The following ZAN variants were observed in gnomAD, a reference collection of about 807,000 sequenced individuals.
ZAN encodes zonadhesin.
A neutral mutation model predicts 286.2 loss-of-function variants in ZAN; 260 were observed. The observed-to-expected ratio is 0.91, with a 90% CI of 0.82 to 1.01. The LOEUF is 1.01. ZAN is among the 50% of genes least tolerant of loss of function. ZAN has a pLI of 0.00. For missense variants in ZAN, 3,410 were observed against 3,639.2 expected, an observed-to-expected ratio of 0.94 and a Z score of 1.62; for synonymous variants, 1,368 against 1,417.5, an observed-to-expected ratio of 0.97 and a Z score of 0.79.
At chr7:100,790,610 C>T (rs955219501) in intron 39 of ZAN, among the ~76,000 whole-genome samples, 3 of 148,516 alleles carry the variant, frequency 2.0e-5, no homozygotes, top group Non-Finnish European at 3.0e-5. Flanking sequence ...GGGCTAGGCG[C>T]GGTGGCTCAT....
At chr7:100,759,633 C>A in intron 17 of ZAN, 88 bp from the exon 18 acceptor site, 6 of 1,415,206 alleles carry the variant, frequency 4.2e-6, no homozygotes, top group South Asian at 1.5e-5. Context: ...GCGCTCATCT[C>A]TCCCTGCGGC....
At chr7:100,737,143 TG>T in intron 5 of ZAN, 63 bp downstream of exon 5, 1 of 1,447,430 alleles carries the variant, frequency 6.9e-7, no homozygotes, top group Non-Finnish European at 9.4e-7. Context: ...AGCCTGAGGG[TG>T]GGGGTGTGGC....
In ZAN at chr7:100,752,942, A is replaced by G; in HGVS notation, c.2837A>G (p.Glu946Gly). 1.2e-6 allele frequency: 2 copies of G among 1,609,742 alleles called. No homozygotes were observed. The highest frequency in any genetic ancestry group is 2.2e-5 in the East Asian group (1 of 44,590). The change falls in exon 14 of 48, where the codon GAA becomes GGA. Residue 946 changes from glutamate (E) to glycine (G), a missense_variant. Transcript: ENST00000613979. ...ISTEKLTIPT[E>G]KPTISPEKLT... ...ACAGAAAAACTCACCATCCCCACAG[A>G]AAAACCCACCATCTCCCCAGAAAAA...
At position 100,758,579 on chromosome 7, in the gene ZAN, T is replaced by G. The variant is rs1809323559; in HGVS notation, c.3500T>G (p.Phe1167Cys). The stretch of plus-strand genomic sequence containing the variant: ...TACGGAGACCCTCATTATGTCACCT[T>G]TGACGGGAGGCACTTTGGCTTCATG... ...LVYGDPHYVTFDGRHFGFMGK... is the reference protein window; with the variant it reads ...LVYGDPHYVTCDGRHFGFMGK... Residue 1167 changes from phenylalanine (F) to cysteine (C), a missense_variant, in exon 17 of 48, where the codon TTT (phenylalanine) becomes TGT (cysteine). Coordinates refer to ENST00000613979, the MANE Select transcript of ZAN (RefSeq NM_003386.3). The G allele has an allele frequency of 6.4e-7, 1 of 1,566,648 alleles. No individual in the cohort carries two copies. Among genetic ancestry groups the G allele is most frequent in the Non-Finnish European group, 8.7e-7 (1 of 1,155,632 alleles).
Position 100,767,158 on chromosome 7 carries a change from C to G in ZAN, c.4761C>G (p.Asn1587Lys). 7 of 1,613,884 alleles carry G rather than the reference C, an allele frequency of 4.3e-6. No individual in the cohort carries two copies. The highest frequency in any genetic ancestry group is 5.9e-6 in the Non-Finnish European group (7 of 1,179,886). The change falls in exon 25 of 48, where the codon AAC becomes AAG. Residue 1587 changes from asparagine (N) to lysine (K), a missense_variant. Around this residue, in one of 7 missense-constraint regions of ZAN, gnomAD observed 1,042 missense variants for 1,058.0 expected, o/e 0.98. Coordinates refer to ENST00000613979, the MANE Select transcript of ZAN (RefSeq NM_003386.3). ...GCTATTTTGTTGTGAGCGCCACCAACGAGAACCGCGGGGGGATCCTGGAGG... is the reference window on the plus strand; with the variant it reads ...GCTATTTTGTTGTGAGCGCCACCAAGGAGAACCGCGGGGGGATCCTGGAGG... Reference protein sequence around the residue: ...QDSYFVVSATNENRGGILEVS... With the variant: ...QDSYFVVSATKENRGGILEVS...
chr7:100,766,198 G>T (rs62483597), intron 23 of ZAN, among the ~76,000 whole-genome samples: 44,098 of 151,664 alleles, frequency 0.29, 6,603 homozygotes, highest in South Asian at 0.44. Context: ...TGTTGGCCAG[G>T]CTGGTCTCAA....
rs762732564 is a variant in ZAN, at chr7:100,751,222, T to C, written c.1562T>C (p.Val521Ala). 6.2e-7 allele frequency: 1 copy of C among 1,610,016 alleles called. No individual in the cohort carries two copies. The highest frequency in any genetic ancestry group is 1.7e-5 in the Admixed American group (1 of 59,542). Reference protein sequence around the residue: ...KGIQGSNTASVVAMGFILINP... With the variant: ...KGIQGSNTASAVAMGFILINP... Reference sequence around the variant, plus strand: ...ATCCAGGGAAGCAACACGGCCTCTGTGGTTGCTATGGGTTTCATCTTGATC... The same window carrying C: ...ATCCAGGGAAGCAACACGGCCTCTGCGGTTGCTATGGGTTTCATCTTGATC... Residue 521 changes from valine to alanine, a missense_variant, in exon 13 of 48, where the codon GTG (valine) becomes GCG (alanine). By Grantham distance (64) the Val-to-Ala change is moderately conservative. Around this residue, in one of 7 missense-constraint regions of ZAN, gnomAD observed 872 missense variants for 938.9 expected, o/e 0.93. Transcript: ENST00000613979.
At chr7:100,795,482 A>C (rs558876639) in intron 45 of ZAN, 146 bp downstream of exon 45, 1 of 778,388 alleles carries the variant, frequency 1.3e-6, no homozygotes, top group Non-Finnish European at 1.7e-6. Flanking sequence ...AAACATAACA[A>C]TTTGTAGCTA....
chr7:100,793,941 C>T lies in ZAN; in HGVS notation c.7909C>T (p.Pro2637Ser). ...CCTGCGTGGAAGGCTGCGCCAGCATCCCAGGCTATGCCTACAGTGGCACCC... is the reference window on the plus strand; with the variant it reads ...CCTGCGTGGAAGGCTGCGCCAGCATTCCAGGCTATGCCTACAGTGGCACCC... Reference protein sequence around the residue: ...GPLRGRLRQHPRLCLQWHPEP... With the variant: ...GPLRGRLRQHSRLCLQWHPEP... The change falls in exon 43 of 48, where the codon CCC (proline) becomes TCC (serine). Residue 2637 changes from proline to serine, a missense_variant. By Grantham distance (74) the Pro-to-Ser change is moderately conservative (BLOSUM62 -1). This residue lies in a region of ZAN where 1,289 missense variants were observed against 1,314.3 expected (regional missense o/e 0.98). Coordinates refer to ENST00000613979, the MANE Select transcript of ZAN (RefSeq NM_003386.3). The T allele has an allele frequency of 6.2e-7, 1 of 1,613,940 alleles. No homozygotes were observed. Among genetic ancestry groups the T allele is most frequent in the Non-Finnish European group, 8.5e-7 (1 of 1,179,888 alleles).
intron 31 of ZAN, among the ~76,000 whole-genome samples, chr7:100,774,164 G>A (rs920792529): frequency 4.6e-5 from 7 of 152,142 alleles, no homozygotes; most frequent in East Asian, 1.9e-4. Context: ...CAAGGCGGGT[G>A]GATCACTTGA....
intron 7 of ZAN, among the ~76,000 whole-genome samples, chr7:100,742,969 A>G (rs1477665458): frequency 8.2e-6 from 1 of 122,054 alleles, no homozygotes; most frequent in Non-Finnish European, 1.8e-5. Context: ...GCAAGGGTCG[A>G]TGCAGAGAGG....
At chr7:100,738,044 C>T (rs1387760869) in intron 6 of ZAN, among the ~76,000 whole-genome samples, 1 of 140,362 alleles carries the variant, frequency 7.1e-6, no homozygotes, top group African/African-American at 2.6e-5. Flanking sequence ...GCAACTTCTG[C>T]CTCTTGGGTT....
chr7:100,772,107 T>A, intron 29 of ZAN, 87 bp downstream of exon 29: 1 of 1,410,356 alleles, frequency 7.1e-7, no homozygotes, highest in Non-Finnish European at 9.3e-7. Context: ...CTTTTTTTTT[T>A]TTTTGAGACG....
chr7:100,760,262 C>T (rs759581462), intron 18 of ZAN, 129 bp from the exon 19 acceptor site: 5 of 1,275,586 alleles, frequency 3.9e-6, no homozygotes, highest in East Asian at 2.3e-5. Flanking sequence ...CTCCAGTCCA[C>T]TCCTGGTGGA....
chr7:100,755,281 G>A lies in ZAN; in HGVS notation c.3180G>A (p.Lys1060=), dbSNP rs779636891. ...YESCACPASC[K]SPRPSCGPLC... The stretch of plus-strand genomic sequence containing the variant: ...CCTGTGCTTGTCCTGCTTCGTGCAA[G>A]AGCCCCAGGCCTAGCTGTGGGCCCC... The change falls in exon 15 of 48, where the codon AAG becomes AAA. Residue 1060 remains lysine (K), a synonymous_variant. Transcript: ENST00000613979. 1 of 1,613,862 alleles carries A rather than the reference G, an allele frequency of 6.2e-7. No homozygotes were observed. Among genetic ancestry groups the A allele is most frequent in the South Asian group, 1.1e-5 (1 of 91,076 alleles).
intron 19 of ZAN, among the ~76,000 whole-genome samples, chr7:100,761,205 A>G (rs970146610): frequency 2.6e-5 from 4 of 152,186 alleles, no homozygotes; most frequent in Non-Finnish European, 4.4e-5. Flanking sequence ...GAAAGACTTT[A>G]TAAAAATACT....
In ZAN at chr7:100,784,702, G is replaced by C. The variant is rs747273316; in HGVS notation, c.6702G>C (p.Arg2234=). 1 of 1,613,934 alleles carries C rather than the reference G, an allele frequency of 6.2e-7. No homozygotes were observed. The highest frequency in any genetic ancestry group is 2.2e-5 in the East Asian group (1 of 44,866). Residue 2234 remains arginine (R), a synonymous_variant, in exon 36 of 48, where the codon CGG becomes CGC. Coordinates refer to ENST00000613979, the MANE Select transcript of ZAN (RefSeq NM_003386.3). The part of the protein sequence containing the change: ...CSPSCWDLDG[R]CEGAKVPSAC... ...CCTCCTGCTGGGACCTGGATGGCCG[G>C]TGTGAGGGCGCCAAAGTCCCCTCTG...
rs985397828 is a variant in ZAN at position 100,767,717 on chromosome 7, G to A, written c.4861-114G>A. 2.4e-4 allele frequency: 291 copies of A among 1,197,492 alleles called. 1 individual carries two copies. The highest frequency in any genetic ancestry group is 3.1e-4 in the Non-Finnish European group (273 of 875,848). 74.2% of individuals were successfully genotyped at this position (1,197,492 alleles called of 1,614,324 possible). A position where few individuals can be genotyped will look rare whatever the true frequency, so the allele number is the denominator to read the frequency against. On this transcript the variant is annotated intron_variant, in intron 25 of 47. Coordinates refer to ENST00000613979, the MANE Select transcript of ZAN (RefSeq NM_003386.3). ...TGATCTCGAGATCCTGGGCTCAAGC[G>A]ATCCTCCGCCTCGGCCTCCCAAAGT...
chr7:100,767,375 C>T (rs575291337), intron 25 of ZAN, 118 bp downstream of exon 25: 2 of 1,423,274 alleles, frequency 1.4e-6, no homozygotes, highest in East Asian at 4.7e-5. Context: ...TGGGAAGCAC[C>T]TGCAGCTGAC....
Sources: gnomAD v4.1 joint callset for allele counts (sites outside exome capture counted in the v4.1 genomes callset) on GRCh38, gnomAD v4.1.1 for gene constraint, gnomAD v4.1.1 regional missense constraint, MANE v1.5 for transcripts, NCBI Gene and HGNC (gene_info 2026-07-23, HGNC 2026-07-21) for gene names.